The following HS6ST3 variants were observed in gnomAD, a reference collection of about 807,000 sequenced individuals.
The protein encoded by HS6ST3 is heparan sulfate 6-O-sulfotransferase 3.
A neutral mutation model predicts 36.7 loss-of-function variants in HS6ST3; 12 were observed. The ratio of observed to expected loss-of-function variants is 0.33; its 90% CI spans 0.21 to 0.53. The LOEUF (loss-of-function observed/expected upper bound fraction) is 0.53. HS6ST3 is among the 20% of genes least tolerant of loss of function. HS6ST3 has a pLI of 0.95. For synonymous variants in HS6ST3, 240 were observed against 257.5 expected, an observed-to-expected ratio of 0.93 and a Z score of 0.65; for missense variants, 584 against 640.9, an observed-to-expected ratio of 0.91 and a Z score of 0.96.
At chr13:96,607,504 A>G (rs1389945253) in intron 1 of HS6ST3, among the ~76,000 whole-genome samples, 1 of 152,180 alleles carries the variant, frequency 6.6e-6, no homozygotes, top group East Asian at 1.9e-4. Context: ...ACTGGTGGAG[A>G]ACATTAAATA....
intron 1 of HS6ST3, among the ~76,000 whole-genome samples, chr13:96,749,797 C>A (rs1039429768): frequency 6.6e-6 from 1 of 151,952 alleles, no homozygotes; most frequent in African/African-American, 2.4e-5. Flanking sequence ...GAAAATTGTC[C>A]TTTCCTGCAT....
intron 1 of HS6ST3, among the ~76,000 whole-genome samples, chr13:96,702,502 C>T (rs2138453867): frequency 6.6e-6 from 1 of 152,296 alleles, no homozygotes; most frequent in African/African-American, 2.4e-5. Context: ...CATATTCCTG[C>T]CATGCTTTCA....
chr13:96,229,890 G>A (rs1039267480), intron 1 of HS6ST3, among the ~76,000 whole-genome samples: 1 of 152,156 alleles, frequency 6.6e-6, no homozygotes, highest in African/African-American at 2.4e-5. Flanking sequence ...GAAGGTTAGG[G>A]CAAGGGAAGG....
intron 1 of HS6ST3, among the ~76,000 whole-genome samples, chr13:96,186,317 G>A (rs2054264979): frequency 6.6e-6 from 1 of 152,142 alleles, no homozygotes; most frequent in South Asian, 2.1e-4. Flanking sequence ...TGGAGCTCTT[G>A]GGATTTCATT....
intron 1 of HS6ST3, among the ~76,000 whole-genome samples, chr13:96,669,779 T>C (rs1329575169): frequency 6.6e-6 from 1 of 152,140 alleles, no homozygotes; most frequent in Non-Finnish European, 1.5e-5. Flanking sequence ...AGACCCTCTG[T>C]TCTAAGGCTA....
chr13:96,786,557 A>G (rs1190692959), intron 1 of HS6ST3, among the ~76,000 whole-genome samples: 1 of 152,154 alleles, frequency 6.6e-6, no homozygotes, highest in Non-Finnish European at 1.5e-5. Flanking sequence ...CCCCTAAATC[A>G]TGTATTTCTT....
chr13:96,580,874 T>C (rs1413002158), intron 1 of HS6ST3, among the ~76,000 whole-genome samples: 1 of 152,142 alleles, frequency 6.6e-6, no homozygotes, highest in Non-Finnish European at 1.5e-5. Flanking sequence ...TCAGCCTTCC[T>C]AAAATGATTG....
intron 1 of HS6ST3, among the ~76,000 whole-genome samples, chr13:96,583,204 CTTTTTTTTT>C (rs71292889): frequency 4.3e-4 from 23 of 52,922 alleles, no homozygotes; most frequent in East Asian, 1.4e-3. Context: ...TTTTTCTTTT[CTTTTTTTTT>C]TTTTTTTTTT....
intron 1 of HS6ST3, among the ~76,000 whole-genome samples, chr13:96,575,914 G>C (rs148984687): frequency 6.6e-6 from 1 of 152,296 alleles, no homozygotes; most frequent in East Asian, 1.9e-4. Flanking sequence ...ACCTGACACT[G>C]GTTTTCAACA....
Position 96,114,388 on chromosome 13 carries a change from A to G in HS6ST3, c.707+22819A>G, listed in dbSNP as rs555869071. Among the ~76,000 whole-genome samples the G allele has an allele frequency of 2.6e-5, 4 of 152,164 alleles. No individual in the cohort carries two copies. The East Asian group carries it at 7.7e-4, about 29-fold the overall frequency. On this transcript the variant is annotated intron_variant, in intron 1 of 1. Coordinates refer to ENST00000376705, the MANE Select transcript of HS6ST3 (RefSeq NM_153456.4). ...TGGTCTCAAACTCCTGGCCTCAAGTAATCCTTCTCCCTTGGCCTCCTAAAG... is the reference window on the plus strand; with the variant it reads ...TGGTCTCAAACTCCTGGCCTCAAGTGATCCTTCTCCCTTGGCCTCCTAAAG...
chr13:96,830,356 A>G (rs769261591), intron 1 of HS6ST3, among the ~76,000 whole-genome samples: 2 of 152,182 alleles, frequency 1.3e-5, no homozygotes, highest in Non-Finnish European at 2.9e-5. Context: ...TGCATGCCCT[A>G]ACAACATACA....
intron 1 of HS6ST3, among the ~76,000 whole-genome samples, chr13:96,343,839 T>C (rs1430070201): frequency 1.3e-5 from 2 of 152,130 alleles, no homozygotes; most frequent in Non-Finnish European, 2.9e-5. Context: ...GCCTCCTGGG[T>C]TCACGTGATT....
At chr13:96,130,407 T>G (rs1450677009) in intron 1 of HS6ST3, among the ~76,000 whole-genome samples, 1 of 152,142 alleles carries the variant, frequency 6.6e-6, no homozygotes, top group African/African-American at 2.4e-5. Context: ...GCCTGAAGGG[T>G]TAATTAGACT....
rs148636046 is a variant in HS6ST3 at position 96,710,985 on chromosome 13, T to C, written c.708-121505T>C. 1.5e-4 allele frequency among the ~76,000 whole-genome samples: 23 copies of C among 152,356 alleles called. 1 individual carries two copies. The East Asian group carries it at 3.9e-3, about 26-fold the overall frequency. ...GAATAGCACATTTCTCTCAGACTTC[T>C]TGATGATTCCGTGCCTCAACTGGTC... On this transcript the variant is annotated intron_variant, in intron 1 of 1. Coordinates refer to ENST00000376705, the MANE Select transcript of HS6ST3 (RefSeq NM_153456.4).
intron 1 of HS6ST3, among the ~76,000 whole-genome samples, chr13:96,456,293 A>G (rs1375153648): frequency 2.0e-5 from 3 of 152,184 alleles, no homozygotes; most frequent in Non-Finnish European, 4.4e-5. Context: ...TTTGTGAGAA[A>G]TCATTTCTGC....
At chr13:96,621,637 G>A (rs1392200016) in intron 1 of HS6ST3, among the ~76,000 whole-genome samples, 1 of 151,994 alleles carries the variant, frequency 6.6e-6, no homozygotes, top group Non-Finnish European at 1.5e-5. Context: ...CAAACGCTCC[G>A]GATTGATTTA....
chr13:96,322,573 A>C (rs2055009742), intron 1 of HS6ST3, among the ~76,000 whole-genome samples: 1 of 152,034 alleles, frequency 6.6e-6, no homozygotes, highest in Non-Finnish European at 1.5e-5. Context: ...TAAAATGAAA[A>C]ATAAAATAAA....
intron 1 of HS6ST3, among the ~76,000 whole-genome samples, chr13:96,500,284 A>G (rs1230038553): frequency 6.6e-6 from 1 of 152,192 alleles, no homozygotes; most frequent in Non-Finnish European, 1.5e-5. Flanking sequence ...ATTTCTGAGT[A>G]ATAGTCTGTG....
At chr13:96,500,511 G>A (rs2055999032) in intron 1 of HS6ST3, among the ~76,000 whole-genome samples, 1 of 152,124 alleles carries the variant, frequency 6.6e-6, no homozygotes, top group Non-Finnish European at 1.5e-5. Context: ...GGGAGCCAAA[G>A]GTATACGTGG....
Sources: gnomAD v4.1 joint callset for allele counts (sites outside exome capture counted in the v4.1 genomes callset) on GRCh38, gnomAD v4.1.1 for gene constraint, MANE v1.5 for transcripts, NCBI Gene and HGNC (gene_info 2026-07-23, HGNC 2026-07-21) for gene names.